GPHN: variants seen among roughly 807,000 people sequenced by gnomAD.
The protein encoded by GPHN is gephyrin.
A neutral mutation model predicts 95.5 loss-of-function variants in GPHN; 17 were observed. That is an observed-to-expected ratio of 0.18 (90% CI 0.12 to 0.27). GPHN has a LOEUF of 0.27. Ranked by LOEUF, GPHN falls within the 10% of genes least tolerant of loss-of-function variation. The pLI is 1.00. For missense variants in GPHN, 660 were observed against 978.1 expected (o/e 0.67, Z 4.34); for synonymous variants, 320 against 322.5 (o/e 0.99, Z 0.08).
the GPHN span, among the ~76,000 whole-genome samples, chr14:67,514,900 C>A: frequency 6.6e-6 from 1 of 152,218 alleles, no homozygotes; most frequent in Non-Finnish European, 1.5e-5. Flanking sequence ...GATCTCGAAC[C>A]GGGGCAGCAG....
the GPHN span, chr14:67,692,697 C>T: frequency 7.3e-7 from 1 of 1,370,750 alleles, no homozygotes; most frequent in Non-Finnish European, 9.9e-7. Flanking sequence ...CACATTTTTA[C>T]CCTTTCTTCA....
At chr14:67,507,515 C>T in the GPHN span, among the ~76,000 whole-genome samples, 1 of 152,004 alleles carries the variant, frequency 6.6e-6, no homozygotes, top group South Asian at 2.1e-4. Context: ...GTGGTGTGGT[C>T]ACAGCTCATT....
intron 16 of GPHN, among the ~76,000 whole-genome samples, chr14:67,118,018 G>A (rs114952919): frequency 1.5e-3 from 222 of 152,192 alleles, no homozygotes; most frequent in African/African-American, 5.1e-3. Context: ...CATACAAAAT[G>A]GTTATATTAA....
chr14:67,690,192 T>G, the GPHN span: 1 of 1,606,140 alleles, frequency 6.2e-7, no homozygotes, highest in Non-Finnish European at 8.5e-7. Flanking sequence ...TGTCTCCACA[T>G]TCATTTCCTC....
At chr14:67,567,024 C>A in the GPHN span, among the ~76,000 whole-genome samples, 1 of 152,168 alleles carries the variant, frequency 6.6e-6, no homozygotes, top group Admixed American at 6.5e-5. Flanking sequence ...ACCCAAGAAT[C>A]AGCCAAAAGA....
chr14:67,047,811 A>G (rs970398193), intron 10 of GPHN, among the ~76,000 whole-genome samples: 1 of 152,204 alleles, frequency 6.6e-6, no homozygotes, highest in Non-Finnish European at 1.5e-5. Context: ...ACATCAGAAA[A>G]TTAGCCAGGT....
chr14:67,526,934 A>G, the GPHN span, among the ~76,000 whole-genome samples: 1 of 152,340 alleles, frequency 6.6e-6, no homozygotes, highest in African/African-American at 2.4e-5. Flanking sequence ...CCTGAGCACA[A>G]CAAGGAGAAG....
chr14:67,592,666 T>G, the GPHN span: 4 of 1,605,762 alleles, frequency 2.5e-6, no homozygotes, highest in Non-Finnish European at 3.4e-6. Context: ...GGATATCCCA[T>G]GTGGTTCCAC....
chr14:67,132,783 G>T (rs2079801542), intron 17 of GPHN, among the ~76,000 whole-genome samples: 1 of 151,680 alleles, frequency 6.6e-6, no homozygotes. Flanking sequence ...CTTCCAGAAA[G>T]CCTGTCCTAA....
chr14:67,727,286 T>A, the GPHN span: 4 of 859,790 alleles, frequency 4.7e-6, no homozygotes, highest in Non-Finnish European at 7.6e-6. Flanking sequence ...CATGCACGTG[T>A]CAGTAATATC....
the GPHN span, chr14:67,208,115 G>A: frequency 6.5e-7 from 1 of 1,540,982 alleles, no homozygotes. Flanking sequence ...TGAATGAAAT[G>A]GTGCCTGTAT....
At chr14:67,261,768 G>GT in the GPHN span, among the ~76,000 whole-genome samples, 8 of 151,598 alleles carry the variant, frequency 5.3e-5, no homozygotes, top group East Asian at 1.2e-3. Context: ...GGTAAACTGA[G>GT]TTTTTTTTAG....
chr14:66,841,902 A>T (rs1808037126), intron 4 of GPHN, among the ~76,000 whole-genome samples: 2 of 151,992 alleles, frequency 1.3e-5, no homozygotes, highest in African/African-American at 4.8e-5. Flanking sequence ...AAAGAAAAGA[A>T]AAAAGCCAGA....
intron 1 of GPHN, among the ~76,000 whole-genome samples, chr14:66,669,800 T>G (rs1306133213): frequency 6.6e-6 from 1 of 152,174 alleles, no homozygotes; most frequent in Non-Finnish European, 1.5e-5. Flanking sequence ...ACTTCTTGAT[T>G]AAGATTCTTT....
At chr14:67,215,945 G>C in the GPHN span, among the ~76,000 whole-genome samples, 2 of 152,114 alleles carry the variant, frequency 1.3e-5, no homozygotes, top group Non-Finnish European at 2.9e-5. Flanking sequence ...TAAACCATTA[G>C]ATTCGCTTTT....
intron 1 of GPHN, among the ~76,000 whole-genome samples, chr14:66,519,021 A>T (rs1279597700): frequency 6.6e-6 from 1 of 152,040 alleles, no homozygotes; most frequent in Non-Finnish European, 1.5e-5. Flanking sequence ...GTTCAAGATG[A>T]TGGATATATT....
the GPHN span, among the ~76,000 whole-genome samples, chr14:67,479,139 T>C: frequency 3.9e-5 from 6 of 152,228 alleles, no homozygotes; most frequent in African/African-American, 1.2e-4. Context: ...CTGGACGTGG[T>C]GGCTCACCCT....
At chr14:66,742,622 T>C (rs2072886483) in intron 2 of GPHN, among the ~76,000 whole-genome samples, 2 of 152,240 alleles carry the variant, frequency 1.3e-5, no homozygotes, top group African/African-American at 2.4e-5. Context: ...ATATGTGATG[T>C]ATTGTTAGAG....
At chr14:66,866,068 G>C (rs1389629462) in intron 4 of GPHN, among the ~76,000 whole-genome samples, 1 of 152,116 alleles carries the variant, frequency 6.6e-6, no homozygotes, top group Non-Finnish European at 1.5e-5. Context: ...GATACAACCA[G>C]TTTCTTCTAC....
Sources: gnomAD v4.1 joint callset for allele counts (sites outside exome capture counted in the v4.1 genomes callset) on GRCh38, gnomAD v4.1.1 for gene constraint, MANE v1.5 for transcripts, NCBI Gene and HGNC (gene_info 2026-07-23, HGNC 2026-07-21) for gene names.